The following KIAA2012 variants were observed in gnomAD, a reference collection of about 807,000 sequenced individuals.
KIAA2012 encodes uncharacterized protein KIAA2012.
In KIAA2012, 125 loss-of-function variants were observed where a neutral mutation model predicts 150.6. That is an observed-to-expected ratio of 0.83 (90% CI 0.72 to 0.96). The LOEUF (loss-of-function observed/expected upper bound fraction) is 0.96. KIAA2012 is among the 40% of genes least tolerant of loss of function. The pLI, the probability that KIAA2012 is intolerant of heterozygous loss-of-function variation, is 0.00. For synonymous variants in KIAA2012, 462 were observed against 504.7 expected (o/e 0.92, Z 1.13); for missense variants, 1,219 against 1,354.9 (o/e 0.90, Z 1.57).
intron 14 of KIAA2012, among the ~76,000 whole-genome samples, chr2:202,157,009 C>T (rs563553118): frequency 6.6e-6 from 1 of 152,220 alleles, no homozygotes; most frequent in East Asian, 1.9e-4. Flanking sequence ...AATTTTGGCA[C>T]AGTATTATAG....
intron 13 of KIAA2012, among the ~76,000 whole-genome samples, chr2:202,140,924 A>C (rs1207331644): frequency 6.6e-6 from 1 of 151,736 alleles, no homozygotes; most frequent in Non-Finnish European, 1.5e-5. Context: ...GGGTTCAGTC[A>C]CATGAAAGAT....
chr2:202,084,292 C>A (rs1689513652), intron 2 of KIAA2012, among the ~76,000 whole-genome samples: 1 of 152,268 alleles, frequency 6.6e-6, no homozygotes. Flanking sequence ...GGAGCACAAG[C>A]CCTACCGTCT....
chr2:202,128,442 T>A (rs1395126922), intron 12 of KIAA2012, among the ~76,000 whole-genome samples: 1 of 41,748 alleles, frequency 2.4e-5, no homozygotes, highest in Admixed American at 2.7e-4. Context: ...TTTGGGGGTT[T>A]TTTTTTTTTG....
intron 15 of KIAA2012, among the ~76,000 whole-genome samples, chr2:202,184,425 T>C (rs1156306994): frequency 6.6e-6 from 1 of 151,632 alleles, no homozygotes; most frequent in Non-Finnish European, 1.5e-5. Context: ...AGTAAGTTGG[T>C]ACAAAAGCTT....
At chr2:202,129,117 A>C (rs1690866055) in intron 12 of KIAA2012, among the ~76,000 whole-genome samples, 1 of 152,150 alleles carries the variant, frequency 6.6e-6, no homozygotes, top group African/African-American at 2.4e-5. Context: ...TCCATCTCAA[A>C]AAAATAAATA....
At chr2:202,170,066 G>C (rs1208781457) in intron 15 of KIAA2012, among the ~76,000 whole-genome samples, 1 of 152,216 alleles carries the variant, frequency 6.6e-6, no homozygotes, top group East Asian at 1.9e-4. Flanking sequence ...TTCCGGGGAA[G>C]GCTGGTCTGC....
At chr2:202,132,179 A>T (rs979009916) in intron 12 of KIAA2012, among the ~76,000 whole-genome samples, 1 of 151,924 alleles carries the variant, frequency 6.6e-6, no homozygotes, top group African/African-American at 2.4e-5. Flanking sequence ...TCCATCTCAA[A>T]AAATTTTTAA....
intron 15 of KIAA2012, among the ~76,000 whole-genome samples, chr2:202,173,023 A>G (rs550739651): frequency 7.2e-5 from 11 of 152,330 alleles, no homozygotes; most frequent in South Asian, 2.1e-4. Flanking sequence ...AAGTATTTCA[A>G]AGTTCTCCTT....
chr2:202,105,381 A>C (rs1006007228), intron 8 of KIAA2012, among the ~76,000 whole-genome samples: 5 of 152,180 alleles, frequency 3.3e-5, no homozygotes, highest in African/African-American at 4.8e-5. Context: ...CTTTTCTCTC[A>C]ACTCTGTTAG....
At chr2:202,142,656 T>C (rs1262339250) in intron 13 of KIAA2012, among the ~76,000 whole-genome samples, 1 of 152,152 alleles carries the variant, frequency 6.6e-6, no homozygotes, top group East Asian at 1.9e-4. Context: ...AGCTAAACTG[T>C]AAACTAAGAT....
Position 202,099,654 on chromosome 2 carries a change from G to A in KIAA2012, c.870G>A (p.Lys290=), listed in dbSNP as rs1170831054. 6.5e-7 allele frequency: 1 copy of A among 1,550,308 alleles called. No homozygotes were observed. The highest frequency in any genetic ancestry group is 2.4e-5 in the East Asian group (1 of 40,932). Residue 290 remains lysine (K), a synonymous_variant, in exon 6 of 24, where the codon AAG becomes AAA. Transcript: ENST00000498697. ...IENHLCLYAS[K]ESYNEKTQQT... ...ATCACCTTTGTTTATATGCTTCAAA[G>A]GAGAGCTACAATGAAAAGACACAGC...
chr2:202,113,201 C>G (rs1164425463), intron 10 of KIAA2012, 135 bp from the exon 11 acceptor site: 3 of 632,844 alleles, frequency 4.7e-6, no homozygotes, highest in African/African-American at 3.7e-5. Flanking sequence ...TCACCCTATA[C>G]TCTGGTGGGC....
At chr2:202,107,754 A>G (rs542825130) in intron 9 of KIAA2012, among the ~76,000 whole-genome samples, 2 of 152,278 alleles carry the variant, frequency 1.3e-5, no homozygotes, top group Non-Finnish European at 2.9e-5. Flanking sequence ...TCACACTTGT[A>G]ATCCCAGCAC....
intron 15 of KIAA2012, chr2:202,179,539 T>A (rs966375515): frequency 3.2e-5 from 22 of 691,144 alleles, no homozygotes; most frequent in Non-Finnish European, 6.1e-5. Flanking sequence ...TGGGCCCAGA[T>A]AACAAAGTGC....
rs1220448971 is a variant in KIAA2012, at chr2:202,099,659, G to C, written c.875G>C (p.Ser292Thr). Reference protein sequence around the residue: ...NHLCLYASKESYNEKTQQTSR... With the variant: ...NHLCLYASKETYNEKTQQTSR... ...CTTTGTTTATATGCTTCAAAGGAGAGCTACAATGAAAAGACACAGCAAACC... is the reference window on the plus strand; with the variant it reads ...CTTTGTTTATATGCTTCAAAGGAGACCTACAATGAAAAGACACAGCAAACC... The change falls in exon 6 of 24, where the codon AGC becomes ACC. Residue 292 changes from serine (S) to threonine (T), a missense_variant. By Grantham distance (58) the Ser-to-Thr change is moderately conservative. Coordinates refer to ENST00000498697, the MANE Select transcript of KIAA2012 (RefSeq NM_001277372.4). The C allele has an allele frequency of 6.4e-7, 1 of 1,550,460 alleles. No individual in the cohort carries two copies. The highest frequency in any genetic ancestry group is 8.7e-7 in the Non-Finnish European group (1 of 1,146,906).
chr2:202,175,415 T>A (rs564045214), intron 15 of KIAA2012, among the ~76,000 whole-genome samples: 1 of 152,328 alleles, frequency 6.6e-6, no homozygotes, highest in Non-Finnish European at 1.5e-5. Flanking sequence ...GGTCTGAATG[T>A]TTGTGTCCCC....
chr2:202,190,069 C>A, intron 18 of KIAA2012, 105 bp from the exon 19 acceptor site: 1 of 904,210 alleles, frequency 1.1e-6, no homozygotes, highest in Non-Finnish European at 1.6e-6. Context: ...GCTTGGGTGA[C>A]AGAGCAAGAC....
intron 23 of KIAA2012, among the ~76,000 whole-genome samples, chr2:202,202,912 G>A (rs988062480): frequency 1.1e-4 from 16 of 150,908 alleles, no homozygotes; most frequent in Admixed American, 7.3e-4. Context: ...GGGTGACAGA[G>A]TGGGACCCTG....
chr2:202,077,552 G>A (rs1382599294), intron 2 of KIAA2012, among the ~76,000 whole-genome samples: 1 of 152,230 alleles, frequency 6.6e-6, no homozygotes, highest in African/African-American at 2.4e-5. Flanking sequence ...CATGAGTAGA[G>A]GGAAATGGTG....
Sources: gnomAD v4.1 joint callset for allele counts (sites outside exome capture counted in the v4.1 genomes callset) on GRCh38, gnomAD v4.1.1 for gene constraint, MANE v1.5 for transcripts, NCBI Gene and HGNC (gene_info 2026-07-23, HGNC 2026-07-21) for gene names.